CCL22: variants seen among roughly 807,000 people sequenced by gnomAD.
CCL22 encodes the protein C-C motif chemokine ligand 22.
In CCL22, 7 loss-of-function variants were observed where a neutral mutation model predicts 7.6. The ratio of observed to expected loss-of-function variants is 0.92; its 90% CI spans 0.52 to 1.72. The LOEUF is 1.72. Among genes scored for constraint, CCL22 ranks in the 40% most tolerant of loss-of-function variants. The pLI is 0.00. For synonymous variants in CCL22, 55 were observed against 47.2 expected, an observed-to-expected ratio of 1.17 and a Z score of -0.68; for missense variants, 115 against 124.7, an observed-to-expected ratio of 0.92 and a Z score of 0.37.
Position 57,363,819 on chromosome 16 carries a change from C to T in CCL22, c.*231C>T. ...CTCCCTGCAGTCAGAGGGTCCTGTT[C>T]CCATCAGCGATTCCCCTGCTTAAAC... On this transcript the variant is annotated 3_prime_UTR_variant, in exon 3 of 3. Coordinates refer to ENST00000219235, the MANE Select transcript of CCL22 (RefSeq NM_002990.5). 2.0e-6 allele frequency: 1 copy of T among 512,704 alleles called. No individual in the cohort carries two copies. Among genetic ancestry groups the T allele is most frequent in the Non-Finnish European group, 3.5e-6 (1 of 282,540 alleles). 31.8% of individuals were successfully genotyped at this position (512,704 alleles called of 1,614,324 possible).
rs937388996 is a variant in CCL22 at position 57,363,760 on chromosome 16, C to T, written c.*172C>T. 2 of 597,164 alleles carry T rather than the reference C, an allele frequency of 3.3e-6. No homozygotes were observed. Among genetic ancestry groups the T allele is most frequent in the South Asian group, 1.9e-5 (1 of 51,892 alleles). 37.0% of individuals were successfully genotyped at this position (597,164 alleles called of 1,614,324 possible). A position where few individuals can be genotyped will look rare whatever the true frequency, so the allele number is the denominator to read the frequency against. On this transcript the variant is annotated 3_prime_UTR_variant, in exon 3 of 3. Transcript: ENST00000219235. ...CACCTCCGTGCTGTCACTGCCATCT[C>T]CCCCCTGACCCCTCTAACCCATCCT...
At chr16:57,360,350 G>A in intron 1 of CCL22, 87 bp from the exon 2 acceptor site, 1 of 1,518,598 alleles carries the variant, frequency 6.6e-7, no homozygotes, top group East Asian at 2.3e-5. Flanking sequence ...CTTTCCTGGA[G>A]CCTGGAGAGG....
chr16:57,358,996 T>C, intron 1 of CCL22, 107 bp downstream of exon 1: 1 of 878,794 alleles, frequency 1.1e-6, no homozygotes, highest in Non-Finnish European at 1.9e-6. Context: ...GACCTCAGTC[T>C]GCTGTTGGCT....
Position 57,358,806 on chromosome 16 carries a change from C to T in CCL22, c.-11C>T. 2 of 1,608,730 alleles carry T rather than the reference C, an allele frequency of 1.2e-6. No homozygotes were observed. Among genetic ancestry groups the T allele is most frequent in the Non-Finnish European group, 1.7e-6 (2 of 1,175,078 alleles). On this transcript the variant is annotated 5_prime_UTR_variant, in exon 1 of 3. Coordinates refer to ENST00000219235, the MANE Select transcript of CCL22 (RefSeq NM_002990.5). ...TTGCAGACACCTGGGCTGAGACATA[C>T]AGGACAGAGCATGGATCGCCTACAG...
chr16:57,358,858 C>T lies in CCL22; in HGVS notation c.42C>T (p.Leu14=). The change falls in exon 1 of 3, where the codon CTC becomes CTT. Residue 14 remains leucine, a synonymous_variant. Coordinates refer to ENST00000219235, the MANE Select transcript of CCL22 (RefSeq NM_002990.5). ...CTGCACTCCTGGTTGTCCTCGTCCTCCTTGCTGTGGCGCTTCAAGCAACTG... is the reference window on the plus strand; with the variant it reads ...CTGCACTCCTGGTTGTCCTCGTCCTTCTTGCTGTGGCGCTTCAAGCAACTG... The part of the protein sequence containing the change: ...LQTALLVVLV[L]LAVALQATEA... 1.2e-6 allele frequency: 2 copies of T among 1,613,860 alleles called. No individual in the cohort carries two copies. The highest frequency in any genetic ancestry group is 1.1e-5 in the South Asian group (1 of 91,060).
rs1902084420 is a variant in CCL22 at position 57,364,573 on chromosome 16, G to A, written c.*985G>A. The A allele has an allele frequency of 6.6e-6, 1 of 151,422 alleles. No individual in the cohort carries two copies. The highest frequency in any genetic ancestry group is 1.9e-4 in the East Asian group (1 of 5,172). The allele number at this position is 151,422 out of a possible 1,614,324, so 9.4% of individuals were successfully genotyped here. On this transcript the variant is annotated 3_prime_UTR_variant, in exon 3 of 3. Coordinates refer to ENST00000219235, the MANE Select transcript of CCL22 (RefSeq NM_002990.5). ...GGCTTATTGAAGCCTCTGCCTCCTG[G>A]GTTCAAGTGATTCTCTTGCCTCAGC...
rs1252035117 is a variant in CCL22, at chr16:57,364,792, C to T, written c.*1204C>T. 1 of 16,916 alleles carries T rather than the reference C, an allele frequency of 5.9e-5. No homozygotes were observed. Among genetic ancestry groups the T allele is most frequent in the Non-Finnish European group, 1.8e-4 (1 of 5,606 alleles). 1.0% of individuals were successfully genotyped at this position (16,916 alleles called of 1,614,324 possible). A position where few individuals can be genotyped will look rare whatever the true frequency, so the allele number is the denominator to read the frequency against. ...CAGTGCCTGGCCTCTTCCCTCTCCC[C>T]ACCCCCCCCCCAACTTTTTTTTTTT... On this transcript the variant is annotated 3_prime_UTR_variant, in exon 3 of 3. Coordinates refer to ENST00000219235, the MANE Select transcript of CCL22 (RefSeq NM_002990.5).
intron 2 of CCL22, among the ~76,000 whole-genome samples, chr16:57,362,029 A>G (rs1902055170): frequency 6.6e-6 from 1 of 152,236 alleles, no homozygotes; most frequent in South Asian, 2.1e-4. Context: ...TAAGCACTTT[A>G]TAAATATGAA....
chr16:57,360,569 G>C lies in CCL22; in HGVS notation c.197+9G>C. On this transcript the variant is annotated intron_variant, in intron 2 of 2. Transcript: ENST00000219235. Reference sequence around the variant, plus strand: ...CCGAGGCCTGGCGTGGTGTGAGTAGGGAGCTGGGGCCACAGGGCCTTGGTG... The same window carrying C: ...CCGAGGCCTGGCGTGGTGTGAGTAGCGAGCTGGGGCCACAGGGCCTTGGTG... The C allele has an allele frequency of 6.2e-7, 1 of 1,614,044 alleles. No individual in the cohort carries two copies.
rs1297361646 is a variant in CCL22 at position 57,365,445 on chromosome 16, C to T, written c.*1857C>T. On this transcript the variant is annotated 3_prime_UTR_variant, in exon 3 of 3. Coordinates refer to ENST00000219235, the MANE Select transcript of CCL22 (RefSeq NM_002990.5). The stretch of plus-strand genomic sequence containing the variant: ...GAGAGGGGGACAAGGTGGAGCTTTC[C>T]TGGCCCTGGGAGGAAGCTGGCTGTG... 1 of 152,230 alleles carries T rather than the reference C, an allele frequency of 6.6e-6. No individual in the cohort carries two copies. The highest frequency in any genetic ancestry group is 1.5e-5 in the Non-Finnish European group (1 of 68,098). 9.4% of individuals were successfully genotyped at this position (152,230 alleles called of 1,614,324 possible).
rs193101490 is a variant in CCL22, at chr16:57,360,752, G to A, written c.197+192G>A. On this transcript the variant is annotated intron_variant, in intron 2 of 2. Transcript: ENST00000219235. ...TGGGTGGACTACAAACAAAAATAAT[G>A]TGATCGTTTAGCCAATATCCTCAGG... Among the ~76,000 whole-genome samples the A allele has an allele frequency of 5.8e-4, 89 of 152,238 alleles. 1 individual carries two copies. Among genetic ancestry groups the A allele is most frequent in the African/African-American group, 2.0e-3 (84 of 41,466 alleles).
chr16:57,364,806 C>CTT lies in CCL22; in HGVS notation c.*1231_*1232dup, dbSNP rs34460030. The CTT allele has an allele frequency of 3.7e-3, 441 of 119,044 alleles. 3 individuals carry two copies. The highest frequency in any genetic ancestry group is 6.8e-3 in the African/African-American group (207 of 30,296). The allele number at this position is 119,044 out of a possible 1,614,324, so 7.4% of individuals were successfully genotyped here. On this transcript the variant is annotated 3_prime_UTR_variant, in exon 3 of 3. Transcript: ENST00000219235. The stretch of plus-strand genomic sequence containing the variant: ...TTCCCTCTCCCCACCCCCCCCCCAA[C>CTT]TTTTTTTTTTTTTTATGGCAGGGTC...
chr16:57,360,944 G>A (rs1385730058), intron 2 of CCL22, among the ~76,000 whole-genome samples: 2 of 151,970 alleles, frequency 1.3e-5, no homozygotes. Flanking sequence ...AGTCAGCAAA[G>A]ATGCTCCCAG....
At position 57,364,332 on chromosome 16, in the gene CCL22, A is replaced by G. The variant is rs1469123502; in HGVS notation, c.*744A>G. The stretch of plus-strand genomic sequence containing the variant: ...CAGAGCCCAGAAAGTGGCTGCAGAC[A>G]AAATCAATAAAACTAATGTCCCTCC... On this transcript the variant is annotated 3_prime_UTR_variant, in exon 3 of 3. Transcript: ENST00000219235. The G allele has an allele frequency of 6.6e-6, 1 of 152,260 alleles. No homozygotes were observed. Among genetic ancestry groups the G allele is most frequent in the East Asian group, 1.9e-4 (1 of 5,182 alleles). The allele number at this position is 152,260 out of a possible 1,614,324, so 9.4% of individuals were successfully genotyped here.
chr16:57,363,001 T>G (rs1902065913), intron 2 of CCL22, among the ~76,000 whole-genome samples: 1 of 152,090 alleles, frequency 6.6e-6, no homozygotes, highest in African/African-American at 2.4e-5. Context: ...TTCCTCTTTT[T>G]TTTTTTCTTG....
Position 57,361,025 on chromosome 16 carries a change from C to T in CCL22, c.197+465C>T, listed in dbSNP as rs538872957. ...CTGTAATCCCAGCACTTTGGGAGGC[C>T]GAGGCAGGCAGATCACTTGAGGTCA... On this transcript the variant is annotated intron_variant, in intron 2 of 2. Coordinates refer to ENST00000219235, the MANE Select transcript of CCL22 (RefSeq NM_002990.5). Among the ~76,000 whole-genome samples the T allele has an allele frequency of 4.6e-5, 7 of 152,058 alleles. No individual in the cohort carries two copies. In the South Asian group the frequency reaches 8.3e-4, roughly 18 times the overall value.
intron 2 of CCL22, among the ~76,000 whole-genome samples, chr16:57,363,219 C>A (rs1250012460): frequency 1.3e-5 from 2 of 151,994 alleles, no homozygotes; most frequent in Non-Finnish European, 2.9e-5. Flanking sequence ...GGCCTTAAAC[C>A]CCTAGGCTCA....
intron 2 of CCL22, among the ~76,000 whole-genome samples, chr16:57,361,243 AG>A (rs1411506651): frequency 7.7e-6 from 1 of 129,374 alleles, no homozygotes; most frequent in Non-Finnish European, 1.6e-5. Flanking sequence ...TGGGCAACAG[AG>A]GGAGACTCTG....
In CCL22 at chr16:57,358,852, C is replaced by T. The variant is rs368195819; in HGVS notation, c.36C>T (p.Leu12=). The T allele has an allele frequency of 5.2e-5, 84 of 1,613,770 alleles. No homozygotes were observed. The highest frequency in any genetic ancestry group is 6.9e-5 in the Non-Finnish European group (81 of 1,179,940). The stretch of plus-strand genomic sequence containing the variant: ...TACAGACTGCACTCCTGGTTGTCCT[C>T]GTCCTCCTTGCTGTGGCGCTTCAAG... ...DRLQTALLVV[L]VLLAVALQAT... Residue 12 remains leucine (L), a synonymous_variant, in exon 1 of 3, where the codon CTC becomes CTT. Transcript: ENST00000219235.
Sources: allele counts gnomAD v4.1 joint callset (sites outside exome capture counted in the v4.1 genomes callset), GRCh38; gene constraint gnomAD v4.1.1; transcripts MANE v1.5; gene names NCBI Gene and HGNC (gene_info 2026-07-23, HGNC 2026-07-21).